DLG2: variants seen among roughly 807,000 people sequenced by gnomAD.
The protein encoded by DLG2 is discs large MAGUK scaffold protein 2, also known as disks large homolog 2.
DLG2 carries 45 observed loss-of-function variants against 132.5 expected under a neutral mutation model. The observed-to-expected ratio is 0.34, with a 90% CI of 0.27 to 0.44. The LOEUF is 0.44. Among genes scored for constraint, DLG2 ranks in the 20% least tolerant of loss-of-function variants. The probability of loss-of-function intolerance (pLI) is 1.00; values close to 1 mark genes in which losing one functional copy is unlikely to be tolerated. For missense variants in DLG2, 1,045 were observed against 1,196.9 expected, an observed-to-expected ratio of 0.87 and a Z score of 1.87; for synonymous variants, 424 against 419.6, an observed-to-expected ratio of 1.01 and a Z score of -0.13.
At chr11:85,404,601 G>A (rs1252271833) in intron 3 of DLG2, among the ~76,000 whole-genome samples, 1 of 151,866 alleles carries the variant, frequency 6.6e-6, no homozygotes. Context: ...CATGGTGGAA[G>A]GAGAGTACAG....
At chr11:84,856,488 C>T (rs989815399) in intron 6 of DLG2, among the ~76,000 whole-genome samples, 1 of 152,102 alleles carries the variant, frequency 6.6e-6, no homozygotes, top group South Asian at 2.1e-4. Context: ...CTATAAACTA[C>T]CACTGTGTTA....
intron 4 of DLG2, among the ~76,000 whole-genome samples, chr11:85,187,713 T>C (rs2080218590): frequency 5.3e-5 from 8 of 152,070 alleles, no homozygotes; most frequent in Admixed American, 5.2e-4. Flanking sequence ...TCTATTAGGA[T>C]GGGAAAAGTA....
chr11:84,317,999 G>T (rs1433626452), intron 7 of DLG2, among the ~76,000 whole-genome samples: 1 of 152,128 alleles, frequency 6.6e-6, no homozygotes, highest in East Asian at 1.9e-4. Flanking sequence ...TTTTAAAACA[G>T]TATTTTTCCT....
chr11:83,772,983 A>C (rs1021461463), intron 18 of DLG2, among the ~76,000 whole-genome samples: 1 of 152,248 alleles, frequency 6.6e-6, no homozygotes, highest in Admixed American at 6.5e-5. Flanking sequence ...ATATTATGTT[A>C]GCATTAAAAA....
At chr11:85,416,391 G>A (rs186038006) in intron 3 of DLG2, among the ~76,000 whole-genome samples, 134 of 152,224 alleles carry the variant, frequency 8.8e-4, no homozygotes, top group African/African-American at 3.1e-3. Context: ...CTCCAGCTTT[G>A]TTCTTTTTGC....
At chr11:85,512,562 G>A (rs551233499) in intron 3 of DLG2, among the ~76,000 whole-genome samples, 1 of 152,120 alleles carries the variant, frequency 6.6e-6, no homozygotes, top group Admixed American at 6.6e-5. Context: ...TACTGTCACT[G>A]TCAAAAATGG....
At chr11:85,504,991 A>C (rs917117908) in intron 3 of DLG2, among the ~76,000 whole-genome samples, 4 of 152,098 alleles carry the variant, frequency 2.6e-5, no homozygotes, top group African/African-American at 4.8e-5. Context: ...ATGGAAGTTC[A>C]CTCATGATTT....
intron 8 of DLG2, among the ~76,000 whole-genome samples, chr11:84,224,212 C>T (rs912299203): frequency 6.6e-6 from 1 of 152,154 alleles, no homozygotes; most frequent in African/African-American, 2.4e-5. Flanking sequence ...GCGGTTATTT[C>T]CAGATTCCTG....
At chr11:84,758,198 G>C (rs544498592) in intron 6 of DLG2, among the ~76,000 whole-genome samples, 1 of 152,244 alleles carries the variant, frequency 6.6e-6, no homozygotes, top group East Asian at 1.9e-4. Flanking sequence ...CTTTGTACCT[G>C]TACTGTTTTG....
chr11:85,095,940 G>A (rs913364287), intron 6 of DLG2, among the ~76,000 whole-genome samples: 2 of 152,198 alleles, frequency 1.3e-5, no homozygotes, highest in African/African-American at 4.8e-5. Flanking sequence ...CTGAGCTTCT[G>A]GGTCAGGTGG....
At chr11:83,927,725 A>G (rs1237985586) in intron 15 of DLG2, among the ~76,000 whole-genome samples, 2 of 152,152 alleles carry the variant, frequency 1.3e-5, no homozygotes, top group Admixed American at 1.3e-4. Flanking sequence ...TGCACTGAGA[A>G]TAAGCCTGGA....
chr11:83,729,033 A>G (rs1275524343), intron 18 of DLG2, among the ~76,000 whole-genome samples: 1 of 152,196 alleles, frequency 6.6e-6, no homozygotes, highest in Non-Finnish European at 1.5e-5. Flanking sequence ...AAGTTCCAAG[A>G]TATGCTACTG....
At chr11:83,771,789 A>G (rs576256521) in intron 18 of DLG2, among the ~76,000 whole-genome samples, 10 of 152,320 alleles carry the variant, frequency 6.6e-5, no homozygotes, top group South Asian at 4.1e-4. Flanking sequence ...CATTTATAAA[A>G]TCAGTTCTTC....
intron 15 of DLG2, among the ~76,000 whole-genome samples, chr11:83,893,797 C>A (rs11233790): frequency 0.3 from 45,650 of 152,016 alleles, 7,472 homozygotes; most frequent in African/African-American, 0.41. Flanking sequence ...ATGCTGTGTA[C>A]CTTGCAGAAG....
At chr11:84,657,928 C>A (rs1670348638) in intron 6 of DLG2, among the ~76,000 whole-genome samples, 1 of 152,202 alleles carries the variant, frequency 6.6e-6, no homozygotes, top group African/African-American at 2.4e-5. Flanking sequence ...ACACCCTCCT[C>A]TCGACCTTTT....
intron 12 of DLG2, among the ~76,000 whole-genome samples, chr11:83,978,554 C>T (rs1410579592): frequency 6.6e-6 from 1 of 152,042 alleles, no homozygotes; most frequent in East Asian, 1.9e-4. Context: ...CAAACTTTTA[C>T]ATCAAAAACA....
intron 11 of DLG2, among the ~76,000 whole-genome samples, chr11:83,998,115 G>A (rs1047118535): frequency 2.6e-5 from 4 of 151,878 alleles, no homozygotes; most frequent in Admixed American, 6.6e-5. Context: ...CAGCCTGGGC[G>A]ACAGAGTGAG....
At chr11:85,028,223 T>A (rs1457178955) in intron 6 of DLG2, among the ~76,000 whole-genome samples, 1 of 152,050 alleles carries the variant, frequency 6.6e-6, no homozygotes, top group Non-Finnish European at 1.5e-5. Flanking sequence ...ATCTCCAAGG[T>A]CTCTGTGAGT....
intron 8 of DLG2, among the ~76,000 whole-genome samples, chr11:84,193,714 A>T (rs547088355): frequency 6.6e-6 from 1 of 152,350 alleles, no homozygotes; most frequent in East Asian, 1.9e-4. Flanking sequence ...GGTCAAATTA[A>T]ACTATCCTAA....
Sources: allele counts gnomAD v4.1 joint callset (sites outside exome capture counted in the v4.1 genomes callset), GRCh38; gene constraint gnomAD v4.1.1; transcripts MANE v1.5; gene names NCBI Gene and HGNC (gene_info 2026-07-23, HGNC 2026-07-21).